LAMA2: variants seen among roughly 807,000 people sequenced by gnomAD.
LAMA2 encodes the protein laminin subunit alpha-2.
In LAMA2, 269 loss-of-function variants were observed where a neutral mutation model predicts 364.8. The observed-to-expected ratio is 0.74, with a 90% CI of 0.67 to 0.82. The LOEUF is 0.82. LAMA2 is among the 40% of genes least tolerant of loss of function. The probability of loss-of-function intolerance (pLI) is 0.00; values close to 1 mark genes in which losing one functional copy is unlikely to be tolerated. For missense variants in LAMA2, 3,807 were observed against 3,873.2 expected, an observed-to-expected ratio of 0.98 and a Z score of 0.45; for synonymous variants, 1,379 against 1,370.6, an observed-to-expected ratio of 1.01 and a Z score of -0.14.
chr6:129,227,931 G>A (rs1784423092), intron 12 of LAMA2, among the ~76,000 whole-genome samples: 1 of 152,184 alleles, frequency 6.6e-6, no homozygotes, highest in Admixed American at 6.5e-5. Context: ...CAGAGGTGGA[G>A]TCTACAGAGG....
At chr6:129,006,030 A>G (rs1784426285) in intron 1 of LAMA2, among the ~76,000 whole-genome samples, 1 of 151,900 alleles carries the variant, frequency 6.6e-6, no homozygotes, top group African/African-American at 2.4e-5. Flanking sequence ...ACTTAACCTT[A>G]TTTTTCGCTA....
chr6:129,204,176 C>T (rs1455359526), intron 12 of LAMA2, among the ~76,000 whole-genome samples: 2 of 152,152 alleles, frequency 1.3e-5, no homozygotes, highest in Admixed American at 1.3e-4. Flanking sequence ...AAGTGCAAAA[C>T]ATAAATAAAT....
At chr6:129,493,894 C>T (rs1785013308) in intron 58 of LAMA2, among the ~76,000 whole-genome samples, 1 of 152,154 alleles carries the variant, frequency 6.6e-6, no homozygotes, top group Non-Finnish European at 1.5e-5. Flanking sequence ...TTTTAATAGA[C>T]CATGGTAGGC....
intron 12 of LAMA2, among the ~76,000 whole-genome samples, chr6:129,203,090 C>T (rs1041215432): frequency 2.6e-5 from 4 of 152,160 alleles, no homozygotes; most frequent in African/African-American, 7.2e-5. Context: ...AAAATTTTCC[C>T]TCTGAAGTTT....
chr6:129,435,193 CT>C (rs1318127111), intron 41 of LAMA2, among the ~76,000 whole-genome samples: 1 of 152,144 alleles, frequency 6.6e-6, no homozygotes, highest in Non-Finnish European at 1.5e-5. Flanking sequence ...ACATGAATAT[CT>C]TGCTTGCCAG....
chr6:129,227,866 G>A (rs138573689), intron 12 of LAMA2, among the ~76,000 whole-genome samples: 9,147 of 152,228 alleles, frequency 0.06, 925 homozygotes, highest in African/African-American at 0.21. Context: ...GTCAGACAGG[G>A]ACATTTAAGT....
rs1788081055 is a variant in LAMA2, at chr6:129,051,991, G to A, written c.283+1903G>A. Among the ~76,000 whole-genome samples, 12 of 66,462 alleles carry A rather than the reference G, an allele frequency of 1.8e-4. No homozygotes were observed. The South Asian group carries it at 6.9e-3, about 38-fold the overall frequency. 43.6% of individuals were successfully genotyped at this position (66,462 alleles called of 152,430 possible). ...TGTAAAACCATAAGTGTGTGTATATGTATGCAGGTATATATATATATATGT... is the reference window on the plus strand; with the variant it reads ...TGTAAAACCATAAGTGTGTGTATATATATGCAGGTATATATATATATATGT... On this transcript the variant is annotated intron_variant, in intron 2 of 64. Coordinates refer to ENST00000421865, the MANE Select transcript of LAMA2 (RefSeq NM_000426.4).
rs531483448 is a variant in LAMA2 at position 129,348,875 on chromosome 6, T to A, written c.4437-423T>A. ...GGGCTGAGTTTTCAAGAAAAAAAATTTATATAGATTTTATGCCCTTTTTTT... is the reference window on the plus strand; with the variant it reads ...GGGCTGAGTTTTCAAGAAAAAAAATATATATAGATTTTATGCCCTTTTTTT... On this transcript the variant is annotated intron_variant, in intron 30 of 64. Transcript: ENST00000421865. 5.9e-5 allele frequency among the ~76,000 whole-genome samples: 9 copies of A among 152,096 alleles called. No homozygotes were observed. In the South Asian group the frequency reaches 1.7e-3, roughly 28 times the overall value.
At chr6:129,225,452 C>G (rs1188268974) in intron 12 of LAMA2, among the ~76,000 whole-genome samples, 2 of 152,134 alleles carry the variant, frequency 1.3e-5, no homozygotes, top group Admixed American at 6.6e-5. Flanking sequence ...ATCTTTCCTG[C>G]TTTCTCTTGT....
At chr6:129,136,546 T>A (rs1273094543) in intron 4 of LAMA2, among the ~76,000 whole-genome samples, 1 of 151,328 alleles carries the variant, frequency 6.6e-6, no homozygotes, top group African/African-American at 2.4e-5. Flanking sequence ...AGAAGAGACA[T>A]GTTCTTCTTT....
At position 129,154,428 on chromosome 6, in the gene LAMA2, T is replaced by C. The variant is rs1583148706; in HGVS notation, c.1028-77T>C. On this transcript the variant is annotated intron_variant, in intron 7 of 64. Transcript: ENST00000421865. ...GACTCTGTCTCAAAAAAAAAATCTATTATGTATAACAGAAATGATTTTTAA... is the reference window on the plus strand; with the variant it reads ...GACTCTGTCTCAAAAAAAAAATCTACTATGTATAACAGAAATGATTTTTAA... The C allele has an allele frequency of 3.0e-6, 4 of 1,346,180 alleles. No individual in the cohort carries two copies. The East Asian group carries it at 9.9e-5, about 33-fold the overall frequency. 83.4% of individuals were successfully genotyped at this position (1,346,180 alleles called of 1,614,324 possible).
chr6:128,964,875 G>T (rs1781740882), intron 1 of LAMA2, among the ~76,000 whole-genome samples: 1 of 151,986 alleles, frequency 6.6e-6, no homozygotes, highest in South Asian at 2.1e-4. Context: ...GTAAATGAGT[G>T]TACTTCAGTG....
rs201265215 is a variant in LAMA2, at chr6:129,440,866, G to A, written c.6136G>A (p.Asp2046Asn). 62 of 1,613,776 alleles carry A rather than the reference G, an allele frequency of 3.8e-5. No individual in the cohort carries two copies. Among genetic ancestry groups the A allele is most frequent in the Admixed American group, 8.3e-5 (5 of 59,958 alleles). ...AVKDKARQANDTAKDVLAQIT... is the reference protein window; with the variant it reads ...AVKDKARQANNTAKDVLAQIT... The stretch of plus-strand genomic sequence containing the variant: ...TAAGGACAAAGCCAGACAAGCCAAC[G>A]ACACAGCTAAAGATGTACTGGCACA... Residue 2046 changes from aspartate to asparagine, a missense_variant, in exon 43 of 65, where the codon GAC becomes AAC. By Grantham distance (23) the Asp-to-Asn change is conservative. Around this residue, in one of 3 missense-constraint regions of LAMA2, gnomAD observed 3,333 missense variants for 3,345.7 expected, o/e 1.00. Transcript: ENST00000421865.
At chr6:129,230,922 A>C (rs1427214625) in intron 12 of LAMA2, among the ~76,000 whole-genome samples, 2 of 152,042 alleles carry the variant, frequency 1.3e-5, no homozygotes, top group African/African-American at 4.8e-5. Flanking sequence ...AGCCAAGACA[A>C]GTCTTTCTTT....
At chr6:129,351,848 A>C (rs1562485305) in intron 31 of LAMA2, among the ~76,000 whole-genome samples, 1 of 152,286 alleles carries the variant, frequency 6.6e-6, no homozygotes, top group East Asian at 1.9e-4. Flanking sequence ...GTACTCTTTC[A>C]TTGAAAAAAA....
Position 129,149,035 on chromosome 6 carries a change from T to A in LAMA2, c.966T>A (p.Cys322Ter). 6.2e-7 allele frequency: 1 copy of A among 1,613,592 alleles called. No individual in the cohort carries two copies. The highest frequency in any genetic ancestry group is 8.5e-7 in the Non-Finnish European group (1 of 1,179,608). The change falls in exon 7 of 65, where the codon TGT (cysteine) becomes TGA (stop). Residue 322 changes from cysteine (C) to a stop codon, truncating the protein, a stop_gained. Transcript: ENST00000421865. LOFTEE classifies it high-confidence loss of function. ...NTCGDSCDQC[C>*]PGFHQKPWRA... ...GTGGCGATAGCTGTGATCAGTGCTG[T>A]CCAGGATTCCATCAGAAACCCTGGA...
Position 129,341,533 on chromosome 6 carries a change from T to A in LAMA2, c.4312-810T>A, listed in dbSNP as rs541354659. ...GCATTCTTGCTGCCATGTTTATTTT[T>A]TGTCAGGTGGTTTTTTTAAATTATT... On this transcript the variant is annotated intron_variant, in intron 29 of 64. Coordinates refer to ENST00000421865, the MANE Select transcript of LAMA2 (RefSeq NM_000426.4). Among the ~76,000 whole-genome samples the A allele has an allele frequency of 1.3e-5, 2 of 152,304 alleles. 1 individual carries two copies. Among genetic ancestry groups the A allele is most frequent in the Admixed American group, 1.3e-4 (2 of 15,294 alleles).
chr6:129,083,570 A>C (rs755304201), intron 3 of LAMA2, among the ~76,000 whole-genome samples: 15 of 152,328 alleles, frequency 9.8e-5, no homozygotes, highest in Admixed American at 3.9e-4. Context: ...AAATCAAATG[A>C]CTGTTGATGG....
chr6:129,372,225 A>G (rs1266399431), intron 34 of LAMA2, among the ~76,000 whole-genome samples: 1 of 152,150 alleles, frequency 6.6e-6, no homozygotes, highest in Non-Finnish European at 1.5e-5. Flanking sequence ...GGAAAAATGC[A>G]TTATGACATG....
Sources: allele counts gnomAD v4.1 joint callset (sites outside exome capture counted in the v4.1 genomes callset), GRCh38; gene constraint gnomAD v4.1.1; regional missense constraint gnomAD v4.1.1; transcripts MANE v1.5; gene names NCBI Gene and HGNC (gene_info 2026-07-23, HGNC 2026-07-21).